NAV2: variants seen among roughly 807,000 people sequenced by gnomAD.
The protein encoded by NAV2 is helicase, APC down-regulated 1.
Under a neutral mutation model 223.2 loss-of-function variants are expected in NAV2, and 54 were observed. That is an observed-to-expected ratio of 0.24 (90% CI 0.19 to 0.30). The LOEUF is 0.30. Ranked by LOEUF, NAV2 falls within the 10% of genes least tolerant of loss-of-function variation. The pLI, the probability that NAV2 is intolerant of heterozygous loss-of-function variation, is 1.00. For missense variants in NAV2, 2,806 were observed against 3,147.5 expected (o/e 0.89, Z 2.60); for synonymous variants, 1,279 against 1,239.3 (o/e 1.03, Z -0.67).
intron 1 of NAV2, among the ~76,000 whole-genome samples, chr11:19,432,142 G>C (rs1196491274): frequency 6.6e-6 from 1 of 150,952 alleles, no homozygotes; most frequent in Non-Finnish European, 1.5e-5. Flanking sequence ...ATGTTGCAGT[G>C]AGCTGAGATT....
intron 2 of NAV2, among the ~76,000 whole-genome samples, chr11:19,834,751 C>T (rs1363918986): frequency 6.6e-6 from 1 of 152,186 alleles, no homozygotes; most frequent in Non-Finnish European, 1.5e-5. Context: ...TAAAAAGGAT[C>T]ATACTGAGAG....
chr11:19,366,980 A>G (rs111847627), intron 1 of NAV2, among the ~76,000 whole-genome samples: 2,836 of 152,262 alleles, frequency 0.019, 75 homozygotes, highest in African/African-American at 0.065. Flanking sequence ...GTTTTTCTTA[A>G]GTCTGATGAA....
chr11:19,355,413 A>G (rs372501007), intron 1 of NAV2, among the ~76,000 whole-genome samples: 1 of 152,150 alleles, frequency 6.6e-6, no homozygotes, highest in Non-Finnish European at 1.5e-5. Context: ...TGTAATTAAA[A>G]TTTCTAGGGT....
At chr11:19,480,374 T>C (rs1337389158) in intron 1 of NAV2, among the ~76,000 whole-genome samples, 2 of 152,148 alleles carry the variant, frequency 1.3e-5, no homozygotes, top group Non-Finnish European at 1.5e-5. Context: ...CCCTAGGGCA[T>C]GTAGCTTGTG....
At chr11:19,464,363 G>T (rs762614651) in intron 1 of NAV2, among the ~76,000 whole-genome samples, 3 of 151,268 alleles carry the variant, frequency 2.0e-5, no homozygotes, top group African/African-American at 7.3e-5. Flanking sequence ...GAAGTTTCTC[G>T]TTAATAAGCT....
intron 1 of NAV2, among the ~76,000 whole-genome samples, chr11:19,659,953 CTATTATTAT>C (rs144868564): frequency 1.3e-5 from 2 of 150,938 alleles, no homozygotes; most frequent in African/African-American, 4.9e-5. Context: ...CACAAAAGAA[CTATTATTAT>C]TATTATTATT....
intron 11 of NAV2, chr11:20,023,021 G>A: frequency 1.3e-6 from 2 of 1,533,646 alleles, no homozygotes; most frequent in Admixed American, 3.9e-5. Flanking sequence ...AGTGTGGGCT[G>A]GCTCAGCTGG....
intron 1 of NAV2, among the ~76,000 whole-genome samples, chr11:19,629,485 A>G (rs2047281561): frequency 6.6e-6 from 1 of 151,832 alleles, no homozygotes; most frequent in South Asian, 2.1e-4. Context: ...TTGCGCACAC[A>G]CACACACGTA....
intron 1 of NAV2, among the ~76,000 whole-genome samples, chr11:19,734,605 T>C (rs570553194): frequency 6.6e-6 from 1 of 152,324 alleles, no homozygotes; most frequent in East Asian, 1.9e-4. Context: ...GGTCATACAT[T>C]GGCATTTTAA....
chr11:19,518,400 T>C (rs376729043), intron 1 of NAV2: 16 of 152,226 alleles, frequency 1.1e-4, no homozygotes, highest in African/African-American at 3.4e-4. Context: ...CAGGTACCTC[T>C]ATCCCATGCT....
chr11:19,767,131 A>C (rs1329643372), intron 1 of NAV2, among the ~76,000 whole-genome samples: 1 of 152,210 alleles, frequency 6.6e-6, no homozygotes, highest in Non-Finnish European at 1.5e-5. Flanking sequence ...ATGAAAAGAT[A>C]CAAGAATCTC....
chr11:19,888,524 T>A (rs1192627988), intron 5 of NAV2, among the ~76,000 whole-genome samples: 3 of 152,208 alleles, frequency 2.0e-5, no homozygotes, highest in Non-Finnish European at 4.4e-5. Flanking sequence ...GCCAGAGGCC[T>A]CGGCTCTGTA....
chr11:19,748,083 C>T (rs916547243), intron 1 of NAV2, among the ~76,000 whole-genome samples: 2 of 152,166 alleles, frequency 1.3e-5, no homozygotes, highest in East Asian at 3.8e-4. Context: ...TGATGTCAAA[C>T]GAGGCAGCTC....
chr11:19,400,527 A>G (rs1849638526), intron 1 of NAV2, among the ~76,000 whole-genome samples: 1 of 152,152 alleles, frequency 6.6e-6, no homozygotes, highest in Non-Finnish European at 1.5e-5. Flanking sequence ...ACTGAGTTTG[A>G]GTCTTAGCAT....
intron 5 of NAV2, among the ~76,000 whole-genome samples, chr11:19,890,139 A>G (rs905888276): frequency 6.6e-6 from 1 of 152,208 alleles, no homozygotes; most frequent in Non-Finnish European, 1.5e-5. Context: ...ACTGTTAACT[A>G]TTGGGTATAA....
At chr11:19,804,369 C>T (rs1487825320) in intron 1 of NAV2, among the ~76,000 whole-genome samples, 1 of 152,160 alleles carries the variant, frequency 6.6e-6, no homozygotes, top group Admixed American at 6.5e-5. Context: ...CCAAGTCTTG[C>T]AAGGTATCTA....
intron 1 of NAV2, among the ~76,000 whole-genome samples, chr11:19,701,371 C>T (rs1441954005): frequency 5.3e-5 from 8 of 152,166 alleles, no homozygotes; most frequent in Admixed American, 2.6e-4. Context: ...GTCGGCCAGC[C>T]GCCTTTGAAA....
chr11:19,393,864 C>T (rs1849339011), intron 1 of NAV2, among the ~76,000 whole-genome samples: 1 of 140,366 alleles, frequency 7.1e-6, no homozygotes, highest in Admixed American at 7.1e-5. Flanking sequence ...ATTATTACTT[C>T]TGTTCTAAAA....
intron 1 of NAV2, among the ~76,000 whole-genome samples, chr11:19,666,760 C>T (rs2048421715): frequency 6.6e-6 from 1 of 152,112 alleles, no homozygotes; most frequent in Admixed American, 6.5e-5. Context: ...CCACCTCCAC[C>T]TTCACGTTTA....
Sources: allele counts gnomAD v4.1 joint callset (sites outside exome capture counted in the v4.1 genomes callset), GRCh38; gene constraint gnomAD v4.1.1; transcripts MANE v1.5; gene names NCBI Gene and HGNC (gene_info 2026-07-23, HGNC 2026-07-21).